TNFRSF21: variants seen among roughly 807,000 people sequenced by gnomAD.
TNFRSF21 encodes TNF receptor superfamily member 21.
A neutral mutation model predicts 45.6 loss-of-function variants in TNFRSF21; 19 were observed. That is an observed-to-expected ratio of 0.42 (90% CI 0.29 to 0.61). The LOEUF (loss-of-function observed/expected upper bound fraction) is 0.61, where lower values mean the gene tolerates loss of function less well. Ranked by LOEUF, TNFRSF21 falls within the 20% of genes least tolerant of loss-of-function variation. TNFRSF21 has a pLI of 0.23. For synonymous variants in TNFRSF21, 314 were observed against 335.5 expected (o/e 0.94, Z 0.70); for missense variants, 737 against 851.5 (o/e 0.87, Z 1.67).
intron 3 of TNFRSF21, among the ~76,000 whole-genome samples, chr6:47,278,378 T>G (rs945730938): frequency 6.6e-6 from 1 of 152,244 alleles, no homozygotes; most frequent in Non-Finnish European, 1.5e-5. Context: ...GAACTTTGTA[T>G]GATGATGGCA....
At chr6:47,237,937 C>T (rs1183101186) in intron 4 of TNFRSF21, among the ~76,000 whole-genome samples, 1 of 152,092 alleles carries the variant, frequency 6.6e-6, no homozygotes, top group Non-Finnish European at 1.5e-5. Flanking sequence ...GTAATCCCAA[C>T]TACTTGGGAG....
Position 47,285,929 on chromosome 6 carries a change from A to G in TNFRSF21, c.748+15T>C, listed in dbSNP as rs1175876517. The G allele has an allele frequency of 6.2e-7, 1 of 1,609,888 alleles. No homozygotes were observed. Among genetic ancestry groups the G allele is most frequent in the Non-Finnish European group, 8.5e-7 (1 of 1,176,952 alleles). On this transcript the variant is annotated intron_variant, in intron 2 of 5. Transcript: ENST00000296861. Reference sequence around the variant, plus strand: ...AAAGCCTTCCTCAAATAAATAATTCATGAGGTTAAGTTACCTTTGGGAACA... The same window carrying G: ...AAAGCCTTCCTCAAATAAATAATTCGTGAGGTTAAGTTACCTTTGGGAACA...
chr6:47,252,093 G>T (rs773758131), intron 4 of TNFRSF21, among the ~76,000 whole-genome samples: 10 of 152,104 alleles, frequency 6.6e-5, no homozygotes, highest in Non-Finnish European at 1.3e-4. Context: ...GAATTACTGC[G>T]CTATCAGTAT....
chr6:47,266,073 C>T (rs937545929), intron 3 of TNFRSF21, among the ~76,000 whole-genome samples: 4 of 152,150 alleles, frequency 2.6e-5, no homozygotes, highest in Admixed American at 6.5e-5. Flanking sequence ...ACCACTGAAA[C>T]CTCTAGGAAA....
chr6:47,300,516 T>C (rs534146975), intron 1 of TNFRSF21, among the ~76,000 whole-genome samples: 11 of 152,156 alleles, frequency 7.2e-5, no homozygotes, highest in East Asian at 3.9e-4. Context: ...TGAGTTTTTA[T>C]TTTTTTTAAT....
At chr6:47,247,882 T>A (rs1488972569) in intron 4 of TNFRSF21, among the ~76,000 whole-genome samples, 1 of 152,188 alleles carries the variant, frequency 6.6e-6, no homozygotes, top group Admixed American at 6.5e-5. Flanking sequence ...TATATAGAAA[T>A]CAACAACAAC....
chr6:47,270,996 T>G (rs1762406337), intron 3 of TNFRSF21, among the ~76,000 whole-genome samples: 1 of 152,130 alleles, frequency 6.6e-6, no homozygotes, highest in Admixed American at 6.5e-5. Flanking sequence ...AAACAGAGCC[T>G]CCAAGAAATA....
intron 3 of TNFRSF21, among the ~76,000 whole-genome samples, chr6:47,270,871 C>T (rs1762405104): frequency 6.6e-6 from 1 of 152,114 alleles, no homozygotes; most frequent in Non-Finnish European, 1.5e-5. Context: ...GAGACACATG[C>T]ACAAGCTTCA....
At chr6:47,306,594 T>G (rs1762942586) in intron 1 of TNFRSF21, among the ~76,000 whole-genome samples, 1 of 152,222 alleles carries the variant, frequency 6.6e-6, no homozygotes, top group Non-Finnish European at 1.5e-5. Context: ...CATGTAGCAA[T>G]TGCTCTCTCT....
In TNFRSF21 at chr6:47,244,240, C is replaced by T. The variant is rs571925120; in HGVS notation, c.1509+9016G>A. Among the ~76,000 whole-genome samples, 25 of 146,718 alleles carry T rather than the reference C, an allele frequency of 1.7e-4. No individual in the cohort carries two copies. The South Asian group carries it at 3.7e-3, about 22-fold the overall frequency. ...TCGGGAGGCAGAGGCAGGAGAATGG[C>T]GTGAACCCGGGAGGGGGAGCTTGCA... On this transcript the variant is annotated intron_variant, in intron 4 of 5. Transcript: ENST00000296861.
chr6:47,302,822 C>A (rs983504393), intron 1 of TNFRSF21, among the ~76,000 whole-genome samples: 7 of 152,190 alleles, frequency 4.6e-5, no homozygotes, highest in Admixed American at 1.3e-4. Flanking sequence ...CAAAGCCACA[C>A]TGACCTAGAT....
intron 3 of TNFRSF21, among the ~76,000 whole-genome samples, chr6:47,258,233 G>T (rs1732847636): frequency 6.6e-6 from 1 of 151,840 alleles, no homozygotes; most frequent in African/African-American, 2.4e-5. Context: ...AGCGAGGCGT[G>T]GTGGTGCACA....
chr6:47,278,540 C>T (rs537895501), intron 3 of TNFRSF21, among the ~76,000 whole-genome samples: 43 of 152,174 alleles, frequency 2.8e-4, no homozygotes, highest in Non-Finnish European at 5.7e-4. Flanking sequence ...TAGTGGTTAC[C>T]ATATGTGCTA....
At position 47,309,452 on chromosome 6, in the gene TNFRSF21, T is replaced by C; in HGVS notation, c.60A>G (p.Arg20=). ...ALASCSRIAR[R]ATATMIAGSL... ...AGCCCGCGATCATCGTGGCTGTGGC[T>C]CGGCGGGCGATGCGGCTGCAGGAGG... Residue 20 remains arginine, a synonymous_variant, in exon 1 of 6, where the codon CGA becomes CGG. Coordinates refer to ENST00000296861, the MANE Select transcript of TNFRSF21 (RefSeq NM_014452.5). 1 of 1,536,918 alleles carries C rather than the reference T, an allele frequency of 6.5e-7. No homozygotes were observed.
At chr6:47,244,369 A>C (rs534300075) in intron 4 of TNFRSF21, among the ~76,000 whole-genome samples, 14 of 151,044 alleles carry the variant, frequency 9.3e-5, no homozygotes, top group Admixed American at 2.6e-4. Context: ...TTCTCTGTGA[A>C]CTGTCTTGTT....
intron 4 of TNFRSF21, among the ~76,000 whole-genome samples, chr6:47,246,602 T>C (rs1318679115): frequency 1.3e-5 from 2 of 152,214 alleles, no homozygotes; most frequent in Non-Finnish European, 2.9e-5. Flanking sequence ...ATTAAAACCT[T>C]ATTTCTATAC....
At chr6:47,255,099 A>G (rs553982980) in intron 3 of TNFRSF21, among the ~76,000 whole-genome samples, 21 of 152,326 alleles carry the variant, frequency 1.4e-4, no homozygotes, top group South Asian at 1.2e-3. Context: ...GCTGTCCCCA[A>G]TGATTCAATA....
chr6:47,240,437 G>A (rs1049496397), intron 4 of TNFRSF21, among the ~76,000 whole-genome samples: 4 of 152,162 alleles, frequency 2.6e-5, no homozygotes, highest in Non-Finnish European at 4.4e-5. Context: ...TCTGTGATTC[G>A]TTTGCTGCTA....
chr6:47,300,436 G>C (rs1762847877), intron 1 of TNFRSF21, among the ~76,000 whole-genome samples: 1 of 152,142 alleles, frequency 6.6e-6, no homozygotes, highest in African/African-American at 2.4e-5. Context: ...CTGAATTACT[G>C]TAAAATGTGC....
Sources: gnomAD v4.1 joint callset for allele counts (sites outside exome capture counted in the v4.1 genomes callset) on GRCh38, gnomAD v4.1.1 for gene constraint, MANE v1.5 for transcripts, NCBI Gene and HGNC (gene_info 2026-07-23, HGNC 2026-07-21) for gene names.